The following GON4L variants were observed in gnomAD, a reference collection of about 807,000 sequenced individuals.
GON4L encodes the protein gon-4 like.
A neutral mutation model predicts 211.8 loss-of-function variants in GON4L; 87 were observed. The ratio of observed to expected loss-of-function variants is 0.41; its 90% CI spans 0.35 to 0.49. GON4L has a LOEUF of 0.49. Among genes scored for constraint, GON4L ranks in the 20% least tolerant of loss-of-function variants. GON4L has a pLI of 0.15. For missense variants in GON4L, 2,155 were observed against 2,659.5 expected (o/e 0.81, Z 4.17); for synonymous variants, 875 against 962.6 (o/e 0.91, Z 1.68).
chr1:155,797,671 C>T lies in GON4L; in HGVS notation c.1646-2520G>A, dbSNP rs548272762. On this transcript the variant is annotated intron_variant, in intron 11 of 31. Coordinates refer to ENST00000368331, the MANE Select transcript of GON4L (RefSeq NM_001282860.2). ...CCAGCCTGGCCAACATGGTGAGACCCCCCCCCTCCCGTCTCTACCAAAAAT... is the reference window on the plus strand; with the variant it reads ...CCAGCCTGGCCAACATGGTGAGACCTCCCCCCTCCCGTCTCTACCAAAAAT... Among the ~76,000 whole-genome samples the T allele has an allele frequency of 1.3e-4, 19 of 149,332 alleles. No individual in the cohort carries two copies. The South Asian group carries it at 2.1e-3, about 17-fold the overall frequency.
chr1:155,811,764 A>AAAAAAAAAAAAT, intron 10 of GON4L, among the ~76,000 whole-genome samples: 1 of 147,920 alleles, frequency 6.8e-6, no homozygotes, highest in African/African-American at 2.5e-5. Context: ...CAAAAAAAAA[A>AAAAAAAAAAAAT]AAAAAAAAAA....
At chr1:155,858,334 A>T (rs1448668327), upstream of GON4L, among the ~76,000 whole-genome samples, 1 of 152,264 alleles carries the variant, frequency 6.6e-6, no homozygotes, top group Non-Finnish European at 1.5e-5. Context: ...GTAAACCACC[A>T]ACACAAATTT....
intron 2 of GON4L, among the ~76,000 whole-genome samples, chr1:155,831,903 G>T (rs573954923): frequency 5.3e-5 from 8 of 152,050 alleles, no homozygotes; most frequent in South Asian, 2.1e-4. Context: ...AATAAATAAA[G>T]AAAAGGTTTA....
At chr1:155,822,106 C>T (rs879276132) in intron 4 of GON4L, among the ~76,000 whole-genome samples, 180 bp downstream of exon 4, 3 of 152,194 alleles carry the variant, frequency 2.0e-5, no homozygotes, top group Non-Finnish European at 4.4e-5. Context: ...ATATTTCAAA[C>T]TTGTACTGAG....
intron 2 of GON4L, among the ~76,000 whole-genome samples, chr1:155,827,696 AC>A (rs1325807014): frequency 5.7e-4 from 29 of 50,526 alleles, no homozygotes; most frequent in African/African-American, 1.0e-3. Flanking sequence ...ACACACACAC[AC>A]ACAAAAAAAA....
intron 2 of GON4L, among the ~76,000 whole-genome samples, chr1:155,848,097 TCA>T (rs777487450): frequency 3.9e-5 from 6 of 152,162 alleles, no homozygotes; most frequent in Non-Finnish European, 8.8e-5. Context: ...AGCTATCTAT[TCA>T]CAAGGGCTGC....
At position 155,756,995 on chromosome 1, in the gene GON4L, T is replaced by C. The variant is rs1182902621; in HGVS notation, c.5480A>G (p.Lys1827Arg). The change falls in exon 27 of 32, where the codon AAG (lysine) becomes AGG (arginine). Residue 1827 changes from lysine to arginine, a missense_variant. This residue lies in a region of GON4L where 455 missense variants were observed against 504.6 expected (regional missense o/e 0.90). Transcript: ENST00000368331. ...TTGGACCCCGATCTCTTTTTTCCTC[T>C]TGTTCTTTGAGGCTGTGGGTATCTT... is the stretch of plus-strand genomic sequence containing the variant. Reference protein sequence around the residue: ...PPKIPTASKNKRKKEIGVQNH... With the variant: ...PPKIPTASKNRRKKEIGVQNH... The C allele has an allele frequency of 3.1e-6, 5 of 1,613,670 alleles. No homozygotes were observed. The highest frequency in any genetic ancestry group is 4.2e-6 in the Non-Finnish European group (5 of 1,179,720).
At position 155,793,947 on chromosome 1, in the gene GON4L, G is replaced by A. The variant is rs6701872; in HGVS notation, c.1747+1103C>T. The stretch of plus-strand genomic sequence containing the variant: ...TTTTTATAGAAATAACTCAAGCTAA[G>A]TTATCATAATTGTTTTCCATACCTC... On this transcript the variant is annotated intron_variant, in intron 12 of 31. Coordinates refer to ENST00000368331, the MANE Select transcript of GON4L (RefSeq NM_001282860.2). 4.6e-3 allele frequency among the ~76,000 whole-genome samples: 705 copies of A among 152,082 alleles called. 4 individuals carry two copies. The highest frequency in any genetic ancestry group is 0.016 in the African/African-American group (652 of 41,490).
In GON4L at chr1:155,750,742, G is replaced by T; in HGVS notation, c.6577-9C>A. On this transcript the variant is annotated splice_polypyrimidine_tract_variant and intron_variant, in intron 31 of 31. Coordinates refer to ENST00000368331, the MANE Select transcript of GON4L (RefSeq NM_001282860.2). ...CGAAAACGGTGGGAAACCTAAGAAA[G>T]GAGGAGGGCTGTATTCACTGGTCTT... is the stretch of plus-strand genomic sequence containing the variant. 1 of 1,570,124 alleles carries T rather than the reference G, an allele frequency of 6.4e-7. No individual in the cohort carries two copies. The highest frequency in any genetic ancestry group is 8.6e-7 in the Non-Finnish European group (1 of 1,157,780).
At chr1:155,849,706 G>A (rs113525406) in intron 2 of GON4L, among the ~76,000 whole-genome samples, 1 of 149,256 alleles carries the variant, frequency 6.7e-6, no homozygotes, top group African/African-American at 2.5e-5. Context: ...CCCATGAGGC[G>A]GAGGTTGCAG....
At chr1:155,790,308 C>G (rs1017450354) in intron 12 of GON4L, among the ~76,000 whole-genome samples, 1 of 151,996 alleles carries the variant, frequency 6.6e-6, no homozygotes, top group East Asian at 1.9e-4. Context: ...CCATATTGGC[C>G]AGGCTGGTCT....
At position 155,808,303 on chromosome 1, in the gene GON4L, T is replaced by G. The variant is rs1667354276; in HGVS notation, c.1453-3162A>C. On this transcript the variant is annotated intron_variant, in intron 10 of 31. Coordinates refer to ENST00000368331, the MANE Select transcript of GON4L (RefSeq NM_001282860.2). ...ATCCACCCGCCTCGGCCTCCCAAAG[T>G]GCTGGGATTACAGGCATGAGCCACC... is the stretch of plus-strand genomic sequence containing the variant. 1.3e-5 allele frequency among the ~76,000 whole-genome samples: 2 copies of G among 152,102 alleles called. 1 individual carries two copies. The highest frequency in any genetic ancestry group is 1.3e-4 in the Admixed American group (2 of 15,264).
At chr1:155,808,712 G>T (rs1291096660) in intron 10 of GON4L, among the ~76,000 whole-genome samples, 1 of 151,590 alleles carries the variant, frequency 6.6e-6, no homozygotes, top group Non-Finnish European at 1.5e-5. Context: ...CTGCAGCCTC[G>T]ATCTCCTAGG....
intron 2 of GON4L, among the ~76,000 whole-genome samples, chr1:155,834,574 C>T (rs371736081): frequency 1.3e-5 from 2 of 152,096 alleles, no homozygotes; most frequent in African/African-American, 4.8e-5. Context: ...GTTCGAAAGA[C>T]CCCGCTGAAC....
intron 2 of GON4L, among the ~76,000 whole-genome samples, chr1:155,833,681 AAGGGGAGGGG>A (rs1670010123): frequency 8.3e-6 from 1 of 120,662 alleles, no homozygotes; most frequent in Non-Finnish European, 1.7e-5. Flanking sequence ...AAAGGGAAGG[AAGGGGAGGGG>A]AGGTGAGGGA....
intron 15 of GON4L, 120 bp from the exon 16 acceptor site, chr1:155,776,601 T>C (rs1663847236): frequency 1.2e-6 from 1 of 807,692 alleles, no homozygotes; most frequent in East Asian, 2.6e-5. Context: ...CTCAGGCTGA[T>C]GTGCAGTGAT....
intron 15 of GON4L, among the ~76,000 whole-genome samples, 169 bp downstream of exon 15, chr1:155,777,453 C>T (rs1478526061): frequency 6.6e-6 from 1 of 152,090 alleles, no homozygotes; most frequent in Non-Finnish European, 1.5e-5. Context: ...GTGGTGGATG[C>T]CTGTAATCCC....
chr1:155,841,865 T>C (rs1670798435), intron 2 of GON4L, among the ~76,000 whole-genome samples: 1 of 152,032 alleles, frequency 6.6e-6, no homozygotes, highest in African/African-American at 2.4e-5. Flanking sequence ...CCATCTCTAC[T>C]AAAAATACAA....
chr1:155,766,352 G>A lies in GON4L; in HGVS notation c.3121C>T (p.His1041Tyr), dbSNP rs963538764. The change falls in exon 21 of 32, where the codon CAC becomes TAC. Residue 1041 changes from histidine (H) to tyrosine (Y), a missense_variant. Physicochemically the swap from His to Tyr is moderately conservative, Grantham distance 83 (BLOSUM62 2). Around this residue, in one of 6 missense-constraint regions of GON4L, gnomAD observed 615 missense variants for 625.7 expected, o/e 0.98. Transcript: ENST00000368331. ...AAAACAGTGGCTGGCTGTATTGGGT[G>A]AGGAATCCGGAGCACCATTTTGCTC... ...PPSKMVLRIP[H>Y]PIQPATVLQT... The A allele has an allele frequency of 9.9e-6, 16 of 1,614,022 alleles. No individual in the cohort carries two copies. Among genetic ancestry groups the A allele is most frequent in the Non-Finnish European group, 1.3e-5 (15 of 1,180,036 alleles).
Sources: allele counts gnomAD v4.1 joint callset (sites outside exome capture counted in the v4.1 genomes callset), GRCh38; gene constraint gnomAD v4.1.1; regional missense constraint gnomAD v4.1.1; transcripts MANE v1.5; gene names NCBI Gene and HGNC (gene_info 2026-07-23, HGNC 2026-07-21).